Variants in GBP6 observed in about 807,000 individuals in gnomAD.
GBP6 encodes the protein guanylate-binding protein 6.
Under a neutral mutation model 61.5 loss-of-function variants are expected in GBP6, and 54 were observed. That is an observed-to-expected ratio of 0.88 (90% CI 0.71 to 1.10). The LOEUF is 1.10. GBP6 is among the 50% of genes least tolerant of loss of function. GBP6 has a pLI of 0.00. For missense variants in GBP6, 748 were observed against 752.8 expected (o/e 0.99, Z 0.07); for synonymous variants, 255 against 273.7 (o/e 0.93, Z 0.67).
intron 3 of GBP6, among the ~76,000 whole-genome samples, chr1:89,372,790 C>G (rs956570657): frequency 6.6e-6 from 1 of 152,086 alleles, no homozygotes; most frequent in Non-Finnish European, 1.5e-5. Flanking sequence ...AAAGCAATGG[C>G]AACAAAAGCC....
intron 2 of GBP6, 26 bp from the exon 3 acceptor site, chr1:89,369,513 TCCCTGTG>T (rs1201182253): frequency 1.2e-6 from 2 of 1,606,742 alleles, no homozygotes; most frequent in African/African-American, 1.3e-5. Flanking sequence ...TGCTCTGCTG[TCCCTGTG>T]CTTAGCTTCC....
chr1:89,378,411 T>C lies in GBP6; in HGVS notation c.429-6T>C, dbSNP rs771169754. 1.9e-6 allele frequency: 3 copies of C among 1,611,862 alleles called. No individual in the cohort carries two copies. Among genetic ancestry groups the C allele is most frequent in the Admixed American group, 1.7e-5 (1 of 59,330 alleles). ...AGACAGTTGCTTTTCCTTACCTAAG[T>C]CCTAGTTATGTGACGGAGCTCACAG... On this transcript the variant is annotated splice_region_variant and splice_polypyrimidine_tract_variant and intron_variant, in intron 4 of 10. Transcript: ENST00000370456.
intron 3 of GBP6, 21 bp from the exon 4 acceptor site, chr1:89,378,082 T>G: frequency 6.2e-7 from 1 of 1,603,948 alleles, no homozygotes; most frequent in South Asian, 1.1e-5. Context: ...CCTAAGTCCT[T>G]TGCTCTAATG....
rs1653133596 is a variant in GBP6 at position 89,385,972 on chromosome 1, T to C, written c.*503T>C. ...ATATAATTTTGAAAAATCATTTACA[T>C]ACAAGAGGTCCACTGAGGCATTGCT... is the stretch of plus-strand genomic sequence containing the variant. On this transcript the variant is annotated 3_prime_UTR_variant, in exon 11 of 11. Coordinates refer to ENST00000370456, the MANE Select transcript of GBP6 (RefSeq NM_198460.3). 6.5e-6 allele frequency: 1 copy of C among 152,698 alleles called. No individual in the cohort carries two copies. Among genetic ancestry groups the C allele is most frequent in the Non-Finnish European group, 1.5e-5 (1 of 68,410 alleles). The allele number at this position is 152,698 out of a possible 1,614,324, so 9.5% of individuals were successfully genotyped here.
chr1:89,376,200 G>T (rs1652805199), intron 3 of GBP6, among the ~76,000 whole-genome samples: 1 of 152,122 alleles, frequency 6.6e-6, no homozygotes, highest in African/African-American at 2.4e-5. Context: ...TCATTCATCT[G>T]TTAATGGAAA....
chr1:89,369,709 C>T, intron 3 of GBP6, 36 bp downstream of exon 3: 1 of 1,593,354 alleles, frequency 6.3e-7, no homozygotes, highest in Non-Finnish European at 8.6e-7. Flanking sequence ...TCCTTTTATT[C>T]CAGACGTGAT....
chr1:89,373,559 AC>A (rs1652707111), intron 3 of GBP6, among the ~76,000 whole-genome samples: 2 of 152,160 alleles, frequency 1.3e-5, no homozygotes, highest in African/African-American at 4.8e-5. Flanking sequence ...GCAAACTATC[AC>A]AAGGACAAAA....
intron 3 of GBP6, among the ~76,000 whole-genome samples, chr1:89,369,994 T>A (rs1652578659): frequency 6.6e-6 from 1 of 152,182 alleles, no homozygotes; most frequent in African/African-American, 2.4e-5. Flanking sequence ...GCCTTCAGGA[T>A]GTAGTGTGAC....
intron 8 of GBP6, among the ~76,000 whole-genome samples, 157 bp from the exon 9 acceptor site, chr1:89,383,495 G>A (rs1653046348): frequency 6.6e-6 from 1 of 152,116 alleles, no homozygotes; most frequent in South Asian, 2.1e-4. Context: ...TTGAGGAGGG[G>A]CTCTGGTCAC....
At chr1:89,370,289 A>G (rs964231009) in intron 3 of GBP6, among the ~76,000 whole-genome samples, 3 of 152,316 alleles carry the variant, frequency 2.0e-5, no homozygotes, top group Non-Finnish European at 4.4e-5. Context: ...GAGAAGAGGT[A>G]TTGACTCCAA....
intron 2 of GBP6, among the ~76,000 whole-genome samples, 166 bp downstream of exon 2, chr1:89,368,907 C>T (rs1254460486): frequency 6.6e-6 from 1 of 152,180 alleles, no homozygotes; most frequent in African/African-American, 2.4e-5. Flanking sequence ...ATAATCCATT[C>T]TCATATTTTT....
At chr1:89,374,976 A>G (rs967156884) in intron 3 of GBP6, among the ~76,000 whole-genome samples, 8 of 151,872 alleles carry the variant, frequency 5.3e-5, no homozygotes, top group African/African-American at 1.9e-4. Flanking sequence ...ATATGTCCGT[A>G]TGTTCTTATC....
chr1:89,382,118 A>G, intron 7 of GBP6, 144 bp downstream of exon 7: 1 of 802,484 alleles, frequency 1.2e-6, no homozygotes, highest in Non-Finnish European at 1.9e-6. Flanking sequence ...TCAAAAGACT[A>G]CATATAAGCA....
intron 1 of GBP6, among the ~76,000 whole-genome samples, chr1:89,364,719 G>A (rs1159191957): frequency 6.7e-6 from 1 of 150,202 alleles, no homozygotes; most frequent in Non-Finnish European, 1.5e-5. Context: ...GTCTCTTGTA[G>A]CTCTTGCTAA....
intron 3 of GBP6, among the ~76,000 whole-genome samples, chr1:89,376,390 G>A (rs1652809184): frequency 6.6e-6 from 1 of 152,098 alleles, no homozygotes; most frequent in Admixed American, 6.6e-5. Context: ...TTTTGTGTAT[G>A]GTGTGCAATA....
At position 89,382,735 on chromosome 1, in the gene GBP6, T is replaced by C; in HGVS notation, c.1224T>C (p.Ala408=). 1 of 1,614,102 alleles carries C rather than the reference T, an allele frequency of 6.2e-7. No homozygotes were observed. Among genetic ancestry groups the C allele is most frequent in the Non-Finnish European group, 8.5e-7 (1 of 1,179,962 alleles). The change falls in exon 8 of 11, where the codon GCT becomes GCC. Residue 408 remains alanine (A), a synonymous_variant. Coordinates refer to ENST00000370456, the MANE Select transcript of GBP6 (RefSeq NM_198460.3). ...AGTCATCTGTTCAATACTGCCAGGC[T>C]AAACTCAATGAGCTCTCAAAGGGAC... ...NEESSVQYCQ[A]KLNELSKGLM... is the part of the protein sequence containing the mutation.
chr1:89,378,589 G>C lies in GBP6; in HGVS notation c.601G>C (p.Glu201Gln). The part of the protein sequence containing the change: ...GHPITEDEYL[E>Q]NALKLIQGNN... ...CCCTATCACAGAAGATGAATACCTG[G>C]AGAATGCCTTGAAGCTGATTCAAGG... is the stretch of plus-strand genomic sequence containing the variant. The change falls in exon 5 of 11, where the codon GAG becomes CAG. Residue 201 changes from glutamate to glutamine, a missense_variant. Coordinates refer to ENST00000370456, the MANE Select transcript of GBP6 (RefSeq NM_198460.3). The C allele has an allele frequency of 6.2e-7, 1 of 1,613,338 alleles. No individual in the cohort carries two copies. Among genetic ancestry groups the C allele is most frequent in the Non-Finnish European group, 8.5e-7 (1 of 1,179,468 alleles).
chr1:89,378,448 G>T lies in GBP6; in HGVS notation c.460G>T (p.Ala154Ser). 2 of 1,614,078 alleles carry T rather than the reference G, an allele frequency of 1.2e-6. No individual in the cohort carries two copies. The highest frequency in any genetic ancestry group is 1.7e-5 in the Admixed American group (1 of 59,996). Reference sequence around the variant, plus strand: ...GACGGAGCTCACAGAACTAATTAAGGCAAAGTCCTCCCCAAGGCCTGATGG... The same window carrying T: ...GACGGAGCTCACAGAACTAATTAAGTCAAAGTCCTCCCCAAGGCCTGATGG... ...YVTELTELIK[A>S]KSSPRPDGVE... is the part of the protein sequence containing the mutation. Residue 154 changes from alanine (A) to serine (S), a missense_variant, in exon 5 of 11, where the codon GCA becomes TCA. Physicochemically the swap from Ala to Ser is moderately conservative, Grantham distance 99. Transcript: ENST00000370456.
intron 10 of GBP6, among the ~76,000 whole-genome samples, chr1:89,384,953 A>G (rs1653093010): frequency 6.6e-6 from 1 of 152,244 alleles, no homozygotes; most frequent in South Asian, 2.1e-4. Context: ...CAATCAGACC[A>G]ATGGCTACCT....
Sources: gnomAD v4.1 joint callset for allele counts (sites outside exome capture counted in the v4.1 genomes callset) on GRCh38, gnomAD v4.1.1 for gene constraint, MANE v1.5 for transcripts, NCBI Gene and HGNC (gene_info 2026-07-23, HGNC 2026-07-21) for gene names.